ZNF514: variants seen among roughly 807,000 people sequenced by gnomAD.
The protein encoded by ZNF514 is zinc finger protein 514.
ZNF514 carries 12 observed loss-of-function variants against 9.7 expected under a neutral mutation model. The ratio of observed to expected loss-of-function variants is 1.24; its 90% confidence interval spans 0.79 to 2.01. ZNF514 has a LOEUF of 2.01. Among genes scored for constraint, ZNF514 ranks in the 30% most tolerant of loss-of-function variants. ZNF514 has a pLI of 0.00. For synonymous variants in ZNF514, 158 were observed against 163.7 expected (o/e 0.97, Z 0.27); for missense variants, 467 against 465.5 (o/e 1.00, Z -0.03).
the ZNF514 span, among the ~76,000 whole-genome samples, chr2:95,130,234 A>G: frequency 1.3e-5 from 2 of 152,178 alleles, no homozygotes; most frequent in Admixed American, 1.3e-4. Context: ...GTGTGCGAAT[A>G]GGTGTGGGTG....
chr2:95,156,462 G>A (rs1167696110), intron 2 of ZNF514, among the ~76,000 whole-genome samples: 1 of 152,118 alleles, frequency 6.6e-6, no homozygotes, highest in East Asian at 1.9e-4. Flanking sequence ...TAAAATTGGG[G>A]TCCCTTCCTC....
chr2:95,159,286 C>G lies in ZNF514; in HGVS notation c.-142G>C. ...GGACCAGGCTCTGGAACCCAGCTCC[C>G]ACGTGGATCCACACGCACAGTGGGC... On this transcript the variant is annotated 5_prime_UTR_variant, in exon 1 of 5. Transcript: ENST00000295208. 4.7e-4 allele frequency: 83 copies of G among 175,032 alleles called. No individual in the cohort carries two copies. Among genetic ancestry groups the G allele is most frequent in the South Asian group, 1.2e-3 (11 of 9,214 alleles). 10.8% of individuals were successfully genotyped at this position (175,032 alleles called of 1,614,324 possible). A position where few individuals can be genotyped will look rare whatever the true frequency, so the allele number is the denominator to read the frequency against.
intron 2 of ZNF514, among the ~76,000 whole-genome samples, chr2:95,156,486 C>T (rs1476029331): frequency 2.0e-5 from 3 of 152,176 alleles, no homozygotes; most frequent in Admixed American, 6.5e-5. Flanking sequence ...AACTAGATAA[C>T]CATGAACAAG....
downstream of ZNF514, among the ~76,000 whole-genome samples, chr2:95,143,855 T>G (rs1465329879): frequency 1.3e-5 from 2 of 152,232 alleles, no homozygotes; most frequent in African/African-American, 4.8e-5. Flanking sequence ...AAGGCAGCCT[T>G]GTACTCTTAG....
the ZNF514 span, among the ~76,000 whole-genome samples, chr2:95,127,553 GT>G: frequency 6.6e-6 from 1 of 151,972 alleles, no homozygotes; most frequent in Non-Finnish European, 1.5e-5. Flanking sequence ...TGTGTTTAGT[GT>G]TTTTTGGTTG....
chr2:95,155,145 AACC>A (rs1673655167), intron 2 of ZNF514: 3 of 152,256 alleles, frequency 2.0e-5, no homozygotes, highest in African/African-American at 7.2e-5. Flanking sequence ...CTGGGCCACC[AACC>A]TACTCCAGCA....
At chr2:95,135,159 T>TGAA in the ZNF514 span, among the ~76,000 whole-genome samples, 2 of 152,244 alleles carry the variant, frequency 1.3e-5, no homozygotes, top group African/African-American at 4.8e-5. Flanking sequence ...GGGATTGCCT[T>TGAA]GAATCTGTAG....
In ZNF514 at chr2:95,157,353, G is replaced by A. The variant is rs924939032; in HGVS notation, c.-9C>T. 9 of 1,289,264 alleles carry A rather than the reference G, an allele frequency of 7.0e-6. No individual in the cohort carries two copies. The Admixed American group carries it at 1.1e-4, about 16-fold the overall frequency. 79.9% of individuals were successfully genotyped at this position (1,289,264 alleles called of 1,614,324 possible). On this transcript the variant is annotated splice_region_variant and 5_prime_UTR_variant, in exon 2 of 5. Coordinates refer to ENST00000295208, the MANE Select transcript of ZNF514 (RefSeq NM_032788.3). ...GAAAAATTAAGAATACAACTCACCC[G>A]AGGCCTGGCTTTCAGGAATGAATTG...
Position 95,149,177 on chromosome 2 carries a change from G to A in ZNF514, c.*105C>T. On this transcript the variant is annotated 3_prime_UTR_variant, in exon 5 of 5. Transcript: ENST00000295208. ...ATTGCCTGATGTGGAACAAGATGTGGTCTTCCCACATACATTACACCTTTA... is the reference window on the plus strand; with the variant it reads ...ATTGCCTGATGTGGAACAAGATGTGATCTTCCCACATACATTACACCTTTA... 1 of 1,345,614 alleles carries A rather than the reference G, an allele frequency of 7.4e-7. No homozygotes were observed. The highest frequency in any genetic ancestry group is 2.2e-4 in the Middle Eastern group (1 of 4,452). 83.4% of individuals were successfully genotyped at this position (1,345,614 alleles called of 1,614,324 possible). A position where few individuals can be genotyped will look rare whatever the true frequency, so the allele number is the denominator to read the frequency against.
chr2:95,157,607 A>G (rs1167752040), intron 1 of ZNF514, among the ~76,000 whole-genome samples, 168 bp from the exon 2 acceptor site: 1 of 152,188 alleles, frequency 6.6e-6, no homozygotes, highest in Non-Finnish European at 1.5e-5. Flanking sequence ...TCAAACATTG[A>G]GAGAAGTGCC....
chr2:95,159,267 G>C lies in ZNF514; in HGVS notation c.-123C>G, dbSNP rs1347332217. 2 of 172,208 alleles carry C rather than the reference G, an allele frequency of 1.2e-5. No homozygotes were observed. The highest frequency in any genetic ancestry group is 6.1e-5 in the Admixed American group (1 of 16,412). 10.7% of individuals were successfully genotyped at this position (172,208 alleles called of 1,614,324 possible). A position where few individuals can be genotyped will look rare whatever the true frequency, so the allele number is the denominator to read the frequency against. The stretch of plus-strand genomic sequence containing the variant: ...CCGGCTCGGCTCCTCCTCAGGACCA[G>C]GCTCTGGAACCCAGCTCCCACGTGG... On this transcript the variant is annotated 5_prime_UTR_variant, in exon 1 of 5. Transcript: ENST00000295208.
At chr2:95,126,371 C>CAAAAA in the ZNF514 span, among the ~76,000 whole-genome samples, 35 of 51,220 alleles carry the variant, frequency 6.8e-4, no homozygotes, top group African/African-American at 1.3e-3. Flanking sequence ...AACTCCATCT[C>CAAAAA]AAAAAAAAAA....
At chr2:95,144,290 T>C (rs1673312050), downstream of ZNF514, among the ~76,000 whole-genome samples, 2 of 152,230 alleles carry the variant, frequency 1.3e-5, no homozygotes, top group African/African-American at 2.4e-5. Flanking sequence ...GCTAATGAGA[T>C]AGCAGGATGG....
At chr2:95,152,890 G>A (rs1044409541) in intron 3 of ZNF514, 121 bp from the exon 4 acceptor site, 5 of 1,018,520 alleles carry the variant, frequency 4.9e-6, no homozygotes, top group African/African-American at 4.8e-5. Context: ...CAGGCATTGT[G>A]AAAAGTTAGG....
the ZNF514 span, among the ~76,000 whole-genome samples, chr2:95,137,387 A>G: frequency 3.3e-5 from 5 of 152,238 alleles, no homozygotes; most frequent in Non-Finnish European, 7.3e-5. Context: ...TTTCAAGTGG[A>G]TATCAGCTAA....
At chr2:95,156,924 A>G (rs1416648500) in intron 2 of ZNF514, among the ~76,000 whole-genome samples, 1 of 151,704 alleles carries the variant, frequency 6.6e-6, no homozygotes, top group African/African-American at 2.4e-5. Flanking sequence ...AGCTTTCCCA[A>G]CCTCTCCAGA....
rs972245566 is a variant in ZNF514 at position 95,159,044 on chromosome 2, C to A, written c.-96+196G>T. On this transcript the variant is annotated intron_variant, in intron 1 of 4. Coordinates refer to ENST00000295208, the MANE Select transcript of ZNF514 (RefSeq NM_032788.3). ...CCAAATCTCTGTCTTTCGGCCACAG[C>A]CCTGTGGTCCTCCCGAGGGTTCAGG... is the stretch of plus-strand genomic sequence containing the variant. 3.3e-6 allele frequency: 4 copies of A among 1,228,760 alleles called. No homozygotes were observed. In the Admixed American group the frequency reaches 7.9e-5, roughly 24 times the overall value. 76.1% of individuals were successfully genotyped at this position (1,228,760 alleles called of 1,614,324 possible).
the ZNF514 span, among the ~76,000 whole-genome samples, chr2:95,135,636 G>A: frequency 1.8e-4 from 28 of 151,910 alleles, no homozygotes; most frequent in South Asian, 1.0e-3. Context: ...TGTCCAGGCC[G>A]GTCTTGAATC....
chr2:95,149,913 C>A lies in ZNF514; in HGVS notation c.572G>T (p.Gly191Val), dbSNP rs200005818. The A allele has an allele frequency of 2.5e-5, 41 of 1,614,046 alleles. No individual in the cohort carries two copies. The highest frequency in any genetic ancestry group is 3.4e-6 in the Non-Finnish European group (4 of 1,180,012). ...TGGGTGGGTTCTCTGAGAGTTGTTTCCCCCTAAAGTCTGCCTGAATTCTGT... is the reference window on the plus strand; with the variant it reads ...TGGGTGGGTTCTCTGAGAGTTGTTTACCCCTAAAGTCTGCCTGAATTCTGT... ...CDTEFRQTLG[G>V]NNSQRTHPEK... Residue 191 changes from glycine (G) to valine (V), a missense_variant, in exon 5 of 5, where the codon GGA becomes GTA. Coordinates refer to ENST00000295208, the MANE Select transcript of ZNF514 (RefSeq NM_032788.3).
Sources: allele counts gnomAD v4.1 joint callset (sites outside exome capture counted in the v4.1 genomes callset), GRCh38; gene constraint gnomAD v4.1.1; transcripts MANE v1.5; gene names NCBI Gene and HGNC (gene_info 2026-07-23, HGNC 2026-07-21).